SYNPR: variants seen among roughly 807,000 people sequenced by gnomAD.
The protein encoded by SYNPR is synaptoporin.
In SYNPR, 23 loss-of-function variants were observed where a neutral mutation model predicts 32.9. The observed-to-expected ratio is 0.70, with a 90% CI of 0.50 to 0.99. SYNPR has a LOEUF of 0.99. Ranked by LOEUF, SYNPR falls within the 50% of genes least tolerant of loss-of-function variation. The pLI is 0.00. For synonymous variants in SYNPR, 146 were observed against 135.9 expected (o/e 1.07, Z -0.52); for missense variants, 318 against 349.3 (o/e 0.91, Z 0.71).
chr3:63,457,696 CA>C (rs1700508181), intron 2 of SYNPR, among the ~76,000 whole-genome samples: 1 of 152,066 alleles, frequency 6.6e-6, no homozygotes, highest in South Asian at 2.1e-4. Flanking sequence ...GTATTACCTA[CA>C]AAAGAGGGAG....
chr3:63,478,014 G>A (rs1232136077), intron 2 of SYNPR, among the ~76,000 whole-genome samples: 1 of 152,168 alleles, frequency 6.6e-6, no homozygotes, highest in Non-Finnish European at 1.5e-5. Context: ...GTACCTTACA[G>A]CAGTGAGGAC....
chr3:63,282,230 G>C (rs1250812308), intron 2 of SYNPR, among the ~76,000 whole-genome samples: 1 of 152,112 alleles, frequency 6.6e-6, no homozygotes, highest in Non-Finnish European at 1.5e-5. Context: ...TAAGTTAAGT[G>C]ATATCAAACA....
chr3:63,485,431 C>A (rs563545391), intron 3 of SYNPR, among the ~76,000 whole-genome samples: 2 of 152,008 alleles, frequency 1.3e-5, no homozygotes, highest in Non-Finnish European at 1.5e-5. Flanking sequence ...GCATTGAGTA[C>A]CTCAAAGAAA....
chr3:63,346,120 A>C (rs927475987), intron 2 of SYNPR, among the ~76,000 whole-genome samples: 1 of 152,108 alleles, frequency 6.6e-6, no homozygotes, highest in Non-Finnish European at 1.5e-5. Flanking sequence ...CAACCATGGA[A>C]CTATTTTATT....
At chr3:63,472,948 A>G (rs1031832421) in intron 2 of SYNPR, among the ~76,000 whole-genome samples, 8 of 152,148 alleles carry the variant, frequency 5.3e-5, no homozygotes, top group Non-Finnish European at 1.0e-4. Context: ...CCATAAATAG[A>G]TGAAGAGATG....
chr3:63,515,083 C>A (rs537575077), intron 3 of SYNPR, among the ~76,000 whole-genome samples: 1 of 152,164 alleles, frequency 6.6e-6, no homozygotes, highest in African/African-American at 2.4e-5. Flanking sequence ...ATGTGGGGTT[C>A]TAGAAACAAT....
At chr3:63,218,353 G>A in the SYNPR span, among the ~76,000 whole-genome samples, 1 of 152,198 alleles carries the variant, frequency 6.6e-6, no homozygotes, top group Non-Finnish European at 1.5e-5. Context: ...ATAGAGGGAT[G>A]AAGGGAGTAG....
At position 63,609,204 on chromosome 3, in the gene SYNPR, A is replaced by C. The variant is rs1193794312; in HGVS notation, c.488A>C (p.Lys163Thr). 1 of 1,610,896 alleles carries C rather than the reference A, an allele frequency of 6.2e-7. No homozygotes were observed. Among genetic ancestry groups the C allele is most frequent in the South Asian group, 1.1e-5 (1 of 90,160 alleles). Residue 163 changes from lysine to threonine, a missense_variant, in exon 5 of 6, where the codon AAA becomes ACA. Coordinates refer to ENST00000478300, the MANE Select transcript of SYNPR (RefSeq NM_001130003.2). Reference protein sequence around the residue: ...SAWAKGLSDVKVATDPKEVLL... With the variant: ...SAWAKGLSDVTVATDPKEVLL... ...TGGGCAAAAGGACTGTCTGACGTCA[A>C]AGTTGCAACGGATCCCAAGGAAGTA...
At chr3:63,374,549 A>G (rs1397710816) in intron 2 of SYNPR, among the ~76,000 whole-genome samples, 1 of 152,200 alleles carries the variant, frequency 6.6e-6, no homozygotes, top group Non-Finnish European at 1.5e-5. Flanking sequence ...CAGTTTACCT[A>G]TATAACACAC....
At chr3:63,510,767 C>G (rs1394656385) in intron 3 of SYNPR, among the ~76,000 whole-genome samples, 7 of 152,008 alleles carry the variant, frequency 4.6e-5, no homozygotes, top group Non-Finnish European at 5.9e-5. Flanking sequence ...TGATCAGTAA[C>G]AGTTACTCAT....
intron 2 of SYNPR, among the ~76,000 whole-genome samples, chr3:63,259,493 T>G (rs1289185181): frequency 6.6e-6 from 1 of 152,186 alleles, no homozygotes; most frequent in African/African-American, 2.4e-5. Context: ...TCTCAATAGA[T>G]GCAGAAAAGG....
intron 2 of SYNPR, among the ~76,000 whole-genome samples, chr3:63,296,671 G>C (rs1393086019): frequency 6.6e-6 from 1 of 152,156 alleles, no homozygotes. Flanking sequence ...TAAAAGTTGA[G>C]TTAGTAATAC....
chr3:63,546,648 T>TA lies in SYNPR; in HGVS notation c.210-9888dup, dbSNP rs201579308. 3.5e-3 allele frequency among the ~76,000 whole-genome samples: 523 copies of TA among 151,486 alleles called. 3 individuals carry two copies. Among genetic ancestry groups the TA allele is most frequent in the African/African-American group, 0.012 (504 of 41,320 alleles). On this transcript the variant is annotated intron_variant, in intron 3 of 5. Transcript: ENST00000478300. Reference sequence around the variant, plus strand: ...ATATTTATTATTACCCTCCTTAAAATAAAAAAATCATTGTCTCTAATGGTA... The same window carrying TA: ...ATATTTATTATTACCCTCCTTAAAATAAAAAAAATCATTGTCTCTAATGGTA...
intron 4 of SYNPR, among the ~76,000 whole-genome samples, chr3:63,599,566 C>T (rs1030772139): frequency 3.3e-5 from 5 of 152,132 alleles, no homozygotes; most frequent in African/African-American, 1.2e-4. Context: ...GCTAGACCAT[C>T]TAGATTTGGG....
At chr3:63,498,722 G>T (rs1701419451) in intron 3 of SYNPR, among the ~76,000 whole-genome samples, 1 of 152,118 alleles carries the variant, frequency 6.6e-6, no homozygotes, top group Admixed American at 6.5e-5. Flanking sequence ...AGAGTGTGAT[G>T]CAGTGAGGCG....
chr3:63,290,045 G>A (rs1410156475), intron 2 of SYNPR, among the ~76,000 whole-genome samples: 2 of 151,320 alleles, frequency 1.3e-5, no homozygotes. Context: ...CAGGAGAATG[G>A]TGTGAACCCA....
At chr3:63,345,405 G>T (rs2087424888) in intron 2 of SYNPR, among the ~76,000 whole-genome samples, 1 of 152,218 alleles carries the variant, frequency 6.6e-6, no homozygotes, top group Admixed American at 6.5e-5. Context: ...TCATAATTTT[G>T]CATAGTCAGT....
chr3:63,339,066 A>T (rs1463585756), intron 2 of SYNPR, among the ~76,000 whole-genome samples: 2 of 152,200 alleles, frequency 1.3e-5, no homozygotes, highest in Non-Finnish European at 2.9e-5. Flanking sequence ...GAATTTTCTT[A>T]GATTCACCTC....
intron 4 of SYNPR, 87 bp downstream of exon 4, chr3:63,556,828 C>T (rs1292100961): frequency 2.3e-6 from 3 of 1,287,270 alleles, no homozygotes; most frequent in Non-Finnish European, 3.2e-6. Context: ...TTACCTGAGC[C>T]CTCGGGTTAG....
Sources: allele counts gnomAD v4.1 joint callset (sites outside exome capture counted in the v4.1 genomes callset), GRCh38; gene constraint gnomAD v4.1.1; transcripts MANE v1.5; gene names NCBI Gene and HGNC (gene_info 2026-07-23, HGNC 2026-07-21).